Variants in EGLN1 observed in about 807,000 individuals in gnomAD.
EGLN1 encodes egl-9 family hypoxia inducible factor 1, also known as egl nine homolog 1.
In EGLN1, 17 loss-of-function variants were observed where a neutral mutation model predicts 38.3. The ratio of observed to expected loss-of-function variants is 0.44; its 90% CI spans 0.30 to 0.67. The LOEUF (loss-of-function observed/expected upper bound fraction) is 0.67, where lower values mean the gene tolerates loss of function less well. Ranked by LOEUF, EGLN1 falls within the 30% of genes least tolerant of loss-of-function variation. The pLI is 0.08. For synonymous variants in EGLN1, 283 were observed against 257.5 expected (o/e 1.10, Z -0.95); for missense variants, 477 against 603.3 (o/e 0.79, Z 2.19).
chr1:231,420,950 G>A (rs1378298953), intron 1 of EGLN1, 48 bp downstream of exon 1: 4 of 1,613,264 alleles, frequency 2.5e-6, no homozygotes, highest in East Asian at 2.2e-5. Context: ...GGCAGGGGCT[G>A]CCCGCCGAGA....
At chr1:231,406,155 G>C (rs1572044951) in intron 1 of EGLN1, among the ~76,000 whole-genome samples, 2 of 74,402 alleles carry the variant, frequency 2.7e-5, no homozygotes, top group African/African-American at 5.0e-5. Context: ...GAGCCAGAGA[G>C]ACTCCGTCTC....
chr1:231,392,875 GCCT>G, intron 1 of EGLN1, among the ~76,000 whole-genome samples: 1 of 152,258 alleles, frequency 6.6e-6, no homozygotes, highest in East Asian at 1.9e-4. Context: ...CTTTCCAGGT[GCCT>G]CATTTACTTG....
chr1:231,388,910 C>CTCCCAAAATGCTA (rs1688298821), intron 1 of EGLN1, among the ~76,000 whole-genome samples: 1 of 152,162 alleles, frequency 6.6e-6, no homozygotes, highest in Non-Finnish European at 1.5e-5. Flanking sequence ...CCACCTCAGC[C>CTCCCAAAATGCTA]TCCCAAAATG....
chr1:231,401,558 T>C (rs1300380974), intron 1 of EGLN1, among the ~76,000 whole-genome samples: 1 of 149,016 alleles, frequency 6.7e-6, no homozygotes, highest in African/African-American at 2.4e-5. Flanking sequence ...AAATTACAAA[T>C]AGTACAAACT....
chr1:231,413,962 G>GT (rs1689014688), intron 1 of EGLN1, among the ~76,000 whole-genome samples: 1 of 151,488 alleles, frequency 6.6e-6, no homozygotes, highest in African/African-American at 2.4e-5. Flanking sequence ...ATGGAAAAAT[G>GT]TGATTATGAA....
intron 1 of EGLN1, among the ~76,000 whole-genome samples, chr1:231,404,607 G>T (rs1034203518): frequency 6.6e-6 from 1 of 151,532 alleles, no homozygotes; most frequent in Admixed American, 6.6e-5. Flanking sequence ...GCAAGACCCC[G>T]TCTCTAAAAA....
At chr1:231,366,874 A>G (rs1687662627) in intron 4 of EGLN1, among the ~76,000 whole-genome samples, 1 of 152,232 alleles carries the variant, frequency 6.6e-6, no homozygotes, top group Non-Finnish European at 1.5e-5. Flanking sequence ...TGGCTCTGGA[A>G]AACACAGCTA....
Position 231,421,543 on chromosome 1 carries a change from G to T in EGLN1, c.346C>A (p.Pro116Thr), listed in dbSNP as rs944307657. 2.5e-5 allele frequency: 33 copies of T among 1,305,632 alleles called. No individual in the cohort carries two copies. Among genetic ancestry groups the T allele is most frequent in the African/African-American group, 1.1e-4 (7 of 64,222 alleles). 80.9% of individuals were successfully genotyped at this position (1,305,632 alleles called of 1,614,324 possible). A position where few individuals can be genotyped will look rare whatever the true frequency, so the allele number is the denominator to read the frequency against. Reference protein sequence around the residue: ...DAAKGKVKAKPPADPAAAASP... With the variant: ...DAAKGKVKAKTPADPAAAASP... ...GCGGCCGCCGCTGGGTCGGCCGGGG[G>T]CTTGGCCTTTACTTTTCCCTTGGCC... is the stretch of plus-strand genomic sequence containing the variant. Residue 116 changes from proline (P) to threonine (T), a missense_variant, in exon 1 of 5, where the codon CCC becomes ACC. By Grantham distance (38) the Pro-to-Thr change is conservative. Around this residue, in one of 4 missense-constraint regions of EGLN1, gnomAD observed 298 missense variants for 288.9 expected, o/e 1.03. Transcript: ENST00000366641. The surrounding 1 kb of genome is among the most constrained non-coding windows in gnomAD (Gnocchi z 5.5).
intron 1 of EGLN1, among the ~76,000 whole-genome samples, chr1:231,413,465 A>T (rs1244385993): frequency 6.6e-6 from 1 of 152,172 alleles, no homozygotes; most frequent in African/African-American, 2.4e-5. Flanking sequence ...TTCCCACTTC[A>T]TTCAAGTCAC....
chr1:231,372,604 T>C (rs1420922158), intron 2 of EGLN1, among the ~76,000 whole-genome samples: 1 of 152,202 alleles, frequency 6.6e-6, no homozygotes, highest in African/African-American at 2.4e-5. Context: ...GGGCTCAAAT[T>C]CAATTACAAA....
Position 231,421,826 on chromosome 1 carries a change from G to T in EGLN1, c.63C>A (p.Cys21Ter). 6.5e-7 allele frequency: 1 copy of T among 1,536,702 alleles called. No individual in the cohort carries two copies. Reference protein sequence around the residue: ...PSPSERDRQYCELCGKMENLL... With the variant: ...PSPSERDRQY Reference sequence around the variant, plus strand: ...GGTTCTCCATCTTCCCGCACAGCTCGCAGTACTGCCGGTCTCGCTCGCTCG... The same window carrying T: ...GGTTCTCCATCTTCCCGCACAGCTCTCAGTACTGCCGGTCTCGCTCGCTCG... Residue 21 changes from cysteine to a stop codon, truncating the protein, a stop_gained, in exon 1 of 5, where the codon TGC (cysteine) becomes TGA (stop). Transcript: ENST00000366641. LOFTEE classifies it high-confidence loss of function. The surrounding 1 kb of genome is among the most constrained non-coding windows in gnomAD (Gnocchi z 5.5).
intron 1 of EGLN1, among the ~76,000 whole-genome samples, chr1:231,403,683 G>A (rs1275622171): frequency 6.7e-6 from 1 of 149,260 alleles, no homozygotes; most frequent in African/African-American, 2.5e-5. Flanking sequence ...GGCTGAGGCA[G>A]GAGAATCGCT....
intron 1 of EGLN1, among the ~76,000 whole-genome samples, chr1:231,408,443 A>T (rs1688848667): frequency 6.6e-6 from 1 of 152,152 alleles, no homozygotes; most frequent in African/African-American, 2.4e-5. Flanking sequence ...ATCAAATTGT[A>T]TCCTTAGCAA....
intron 1 of EGLN1, among the ~76,000 whole-genome samples, chr1:231,413,239 C>T (rs1252230065): frequency 6.6e-6 from 1 of 152,056 alleles, no homozygotes; most frequent in Non-Finnish European, 1.5e-5. Flanking sequence ...TCACGCCTGG[C>T]TAATTTTTGT....
chr1:231,372,934 G>C (rs945627707), intron 2 of EGLN1, among the ~76,000 whole-genome samples: 2 of 151,990 alleles, frequency 1.3e-5, no homozygotes, highest in African/African-American at 4.8e-5. Context: ...AGGCACCCTG[G>C]CTACACAGGT....
At chr1:231,374,920 GC>G (rs750866795) in intron 1 of EGLN1, among the ~76,000 whole-genome samples, 1 of 152,032 alleles carries the variant, frequency 6.6e-6, no homozygotes, top group Non-Finnish European at 1.5e-5. Flanking sequence ...TAGAAAAGAG[GC>G]CCAAAATAAA....
chr1:231,364,738 G>A lies in EGLN1; in HGVS notation c.*1673C>T, dbSNP rs1019154867. Reference sequence around the variant, plus strand: ...AAAATGTCTTAAGTTGAAATATACAGAAAATTTCTGTATACTCACATTTTG... The same window carrying A: ...AAAATGTCTTAAGTTGAAATATACAAAAAATTTCTGTATACTCACATTTTG... On this transcript the variant is annotated 3_prime_UTR_variant, in exon 5 of 5. Transcript: ENST00000366641. The A allele has an allele frequency of 1.3e-5, 2 of 152,114 alleles. No individual in the cohort carries two copies. The highest frequency in any genetic ancestry group is 4.8e-5 in the African/African-American group (2 of 41,430). The allele number at this position is 152,114 out of a possible 1,614,324, so 9.4% of individuals were successfully genotyped here.
chr1:231,418,350 T>C (rs999187446), intron 1 of EGLN1, among the ~76,000 whole-genome samples: 7 of 152,224 alleles, frequency 4.6e-5, no homozygotes, highest in Non-Finnish European at 8.8e-5. Flanking sequence ...CAACAAAATA[T>C]ATGTATCAAA....
intron 1 of EGLN1, among the ~76,000 whole-genome samples, chr1:231,387,481 T>C (rs1008543411): frequency 1.3e-5 from 2 of 151,398 alleles, no homozygotes; most frequent in African/African-American, 4.9e-5. Context: ...TGCCTCAGCC[T>C]CCCGAGTAGC....
Sources: allele counts gnomAD v4.1 joint callset (sites outside exome capture counted in the v4.1 genomes callset), GRCh38; gene constraint gnomAD v4.1.1; regional missense constraint gnomAD v4.1.1; non-coding constraint Gnocchi (gnomAD v3.1); transcripts MANE v1.5; gene names NCBI Gene and HGNC (gene_info 2026-07-23, HGNC 2026-07-21).